Variants in NOTCH1 observed in about 807,000 individuals in gnomAD.
NOTCH1 encodes the protein notch receptor 1, also known as neurogenic locus notch homolog protein 1.
NOTCH1 carries 37 observed loss-of-function variants against 254.8 expected under a neutral mutation model. That is an observed-to-expected ratio of 0.15 (90% CI 0.11 to 0.19). The LOEUF (loss-of-function observed/expected upper bound fraction) is 0.19. Ranked by LOEUF, NOTCH1 falls within the 10% of genes least tolerant of loss-of-function variation. The pLI is 1.00. For missense variants in NOTCH1, 2,972 were observed against 3,708.6 expected (o/e 0.80, Z 5.16); for synonymous variants, 1,731 against 1,618.1 (o/e 1.07, Z -1.68).
In NOTCH1 at chr9:136,504,665, T is replaced by C. The variant is rs2133335591; in HGVS notation, c.5018+8A>G. On this transcript the variant is annotated splice_region_variant and intron_variant, in intron 26 of 33. Transcript: ENST00000651671. ...GGGGATTGACCGTGGGCGCCGGGTCTCACTCACCCGCGGACGTCCATGGGG... is the reference window on the plus strand; with the variant it reads ...GGGGATTGACCGTGGGCGCCGGGTCCCACTCACCCGCGGACGTCCATGGGG... 1 of 1,502,162 alleles carries C rather than the reference T, an allele frequency of 6.7e-7. No homozygotes were observed. The highest frequency in any genetic ancestry group is 8.9e-7 in the Non-Finnish European group (1 of 1,122,526). 93.1% of individuals were successfully genotyped at this position (1,502,162 alleles called of 1,614,324 possible). A position where few individuals can be genotyped will look rare whatever the true frequency, so the allele number is the denominator to read the frequency against.
chr9:136,503,478 A>T, intron 26 of NOTCH1, 148 bp from the exon 27 acceptor site: 1 of 1,157,792 alleles, frequency 8.6e-7, no homozygotes, highest in Non-Finnish European at 1.2e-6. Flanking sequence ...GCCAGGTCTG[A>T]CAGCAGCTAC....
In NOTCH1 at chr9:136,514,720, C is replaced by G. The variant is rs2133361394; in HGVS notation, c.2015-18G>C. 1 of 1,609,920 alleles carries G rather than the reference C, an allele frequency of 6.2e-7. No homozygotes were observed. Among genetic ancestry groups the G allele is most frequent in the Non-Finnish European group, 8.5e-7 (1 of 1,178,754 alleles). ...CATGCTCCCTAAGGGCAGGGCGGGT[C>G]AGACTCCGAGGCCCAGCGCCCAGGG... On this transcript the variant is annotated intron_variant, in intron 12 of 33. Coordinates refer to ENST00000651671, the MANE Select transcript of NOTCH1 (RefSeq NM_017617.5).
rs946638917 is a variant in NOTCH1 at position 136,514,533 on chromosome 9, C to T, written c.2184G>A (p.Gly728=). ...ACCCGTTGAGGCTGTCCCGGCAGGC[C>T]CCGTGGACGCAGGGGTTGCTGTTGC... The part of the protein sequence containing the change: ...NECNSNPCVH[G]ACRDSLNGYK... Residue 728 remains glycine (G), a synonymous_variant, in exon 13 of 34, where the codon GGG becomes GGA. Transcript: ENST00000651671. The T allele has an allele frequency of 1.9e-6, 3 of 1,593,570 alleles. No individual in the cohort carries two copies. The highest frequency in any genetic ancestry group is 2.6e-6 in the Non-Finnish European group (3 of 1,171,314).
At chr9:136,498,684 C>G (rs1842952217) in intron 33 of NOTCH1, among the ~76,000 whole-genome samples, 1 of 152,206 alleles carries the variant, frequency 6.6e-6, no homozygotes, top group Non-Finnish European at 1.5e-5. Flanking sequence ...GACAGCTGGA[C>G]CTGCACTTGG....
At chr9:136,509,701 C>G in intron 18 of NOTCH1, 32 bp downstream of exon 18, 2 of 1,598,952 alleles carry the variant, frequency 1.3e-6, no homozygotes, top group Non-Finnish European at 1.7e-6. Context: ...ACCGCCCGTT[C>G]CCTTCCACGG....
In NOTCH1 at chr9:136,540,572, C is replaced by T. The variant is rs552354182; in HGVS notation, c.140+3452G>A. On this transcript the variant is annotated intron_variant, in intron 2 of 33. Coordinates refer to ENST00000651671, the MANE Select transcript of NOTCH1 (RefSeq NM_017617.5). This position sits in a 1 kb window ranked among gnomAD's most constrained non-coding sequence, Gnocchi z 4.4. ...GCGCTGACCAGGTGCCCTCTCCACA[C>T]GGTTCTCATGCAATCCTCACACACC... 7.2e-5 allele frequency among the ~76,000 whole-genome samples: 11 copies of T among 152,328 alleles called. No individual in the cohort carries two copies. In the South Asian group the frequency reaches 1.7e-3, roughly 23 times the overall value.
rs1446993294 is a variant in NOTCH1, at chr9:136,530,138, CG to C, written c.141-6160del. ...CAGCAGGGGGCGGAGTTGGGTGGGGCGGGGGTCGCGGCCGGCCCGCCACAGC... is the reference window on the plus strand; with the variant it reads ...CAGCAGGGGGCGGAGTTGGGTGGGGCGGGGTCGCGGCCGGCCCGCCACAGC... On this transcript the variant is annotated intron_variant, in intron 2 of 33. Transcript: ENST00000651671. Among the ~76,000 whole-genome samples, 6 of 152,122 alleles carry C rather than the reference CG, an allele frequency of 3.9e-5. No homozygotes were observed. In the East Asian group the frequency reaches 9.7e-4, roughly 25 times the overall value.
At chr9:136,528,566 G>C (rs568878686) in intron 2 of NOTCH1, among the ~76,000 whole-genome samples, 1 of 151,578 alleles carries the variant, frequency 6.6e-6, no homozygotes, top group South Asian at 2.1e-4. Context: ...GGACGGGCAG[G>C]GACAGTGCGG....
chr9:136,516,270 C>G (rs1451900141), intron 9 of NOTCH1, among the ~76,000 whole-genome samples, 176 bp from the exon 10 acceptor site: 31 of 152,230 alleles, frequency 2.0e-4, no homozygotes, highest in Non-Finnish European at 5.9e-5. Flanking sequence ...CGGATCAAAG[C>G]CCCTCCCCCA....
In NOTCH1 at chr9:136,545,622, G is replaced by T; in HGVS notation, c.61+104C>A. On this transcript the variant is annotated intron_variant, in intron 1 of 33. Coordinates refer to ENST00000651671, the MANE Select transcript of NOTCH1 (RefSeq NM_017617.5). This position sits in a 1 kb window ranked among gnomAD's most constrained non-coding sequence, Gnocchi z 6.8. ...CGCCCGCTTTTCCCTCTCCATGCTG[G>T]CCTCCCCGCCGCCCGCTCCCAGCCG... The T allele has an allele frequency of 1.1e-6, 1 of 941,334 alleles. No homozygotes were observed. The highest frequency in any genetic ancestry group is 1.5e-6 in the Non-Finnish European group (1 of 668,018). 58.3% of individuals were successfully genotyped at this position (941,334 alleles called of 1,614,324 possible).
At chr9:136,532,716 A>T (rs1231611504) in intron 2 of NOTCH1, among the ~76,000 whole-genome samples, 1 of 152,242 alleles carries the variant, frequency 6.6e-6, no homozygotes. Flanking sequence ...TCATGGCCCC[A>T]GCCGCTTCCC....
rs1045892978 is a variant in NOTCH1 at position 136,500,570 on chromosome 9, G to A, written c.5916C>T (p.Asp1972=). The change falls in exon 31 of 34, where the codon GAC becomes GAT. Residue 1972 remains aspartate (D), a synonymous_variant. Transcript: ENST00000651671. ...RTPLHAAVSA[D]AQGVFQILIR... ...TGCCTACCTGGAAGACACCTTGTGC[G>A]TCGGCAGACACAGCCGCATGCAGCG... 30 of 1,611,274 alleles carry A rather than the reference G, an allele frequency of 1.9e-5. No individual in the cohort carries two copies. The highest frequency in any genetic ancestry group is 2.2e-5 in the South Asian group (2 of 91,088).
chr9:136,500,151 A>G (rs1472385759), intron 31 of NOTCH1, among the ~76,000 whole-genome samples: 1 of 152,206 alleles, frequency 6.6e-6, no homozygotes, highest in African/African-American at 2.4e-5. Flanking sequence ...GGCAGCCTCT[A>G]AACCCTGCTT....
chr9:136,511,606 G>A (rs889612325), intron 15 of NOTCH1, among the ~76,000 whole-genome samples: 4 of 152,222 alleles, frequency 2.6e-5, no homozygotes, highest in African/African-American at 7.2e-5. Context: ...GGCCTCAGTC[G>A]GGTGGGCTCC....
At chr9:136,507,025 C>A (rs1267665372) in intron 22 of NOTCH1, 52 bp from the exon 23 acceptor site, 4 of 1,581,186 alleles carry the variant, frequency 2.5e-6, no homozygotes, top group African/African-American at 2.7e-5. Flanking sequence ...CCCGGCCCTG[C>A]CGTGCCGCGT....
In NOTCH1 at chr9:136,495,121, G is replaced by A. The variant is rs182946628; in HGVS notation, c.*950C>T. The A allele has an allele frequency of 2.5e-4, 99 of 399,114 alleles. No homozygotes were observed. The highest frequency in any genetic ancestry group is 1.7e-3 in the Admixed American group (39 of 22,742). 24.7% of individuals were successfully genotyped at this position (399,114 alleles called of 1,614,324 possible). On this transcript the variant is annotated 3_prime_UTR_variant, in exon 34 of 34. Transcript: ENST00000651671. ...TCGGAACCTGGGGGACACTGTGCAG[G>A]CTGAGGTGCTGGGGCCGCCACCGGG...
chr9:136,518,392 G>A (rs1843312412), intron 6 of NOTCH1, 100 bp from the exon 7 acceptor site: 2 of 1,480,082 alleles, frequency 1.4e-6, no homozygotes, highest in East Asian at 2.5e-5. Flanking sequence ...AGGAGGAGCT[G>A]CCCGCCGTGA....
rs766358616 is a variant in NOTCH1 at position 136,502,473 on chromosome 9, G to A, written c.5183C>T (p.Pro1728Leu). The A allele has an allele frequency of 6.4e-5, 100 of 1,574,556 alleles. 2 individuals are homozygous for A. The South Asian group carries it at 9.5e-4, about 15-fold the overall frequency. Residue 1728 changes from proline to leucine, a missense_variant, in exon 28 of 34, where the codon CCG becomes CTG. Pro to Leu is a moderately conservative substitution (Grantham distance 98). Transcript: ENST00000651671. ...IEAVQSETVE[P>L]PPPAQLHFMY... ...GAAGTGCAGCTGCGCCGGCGGGGGC[G>A]GCTCCACGGTCTCACCTGCGGGCAC...
At position 136,522,873 on chromosome 9, in the gene NOTCH1, G is replaced by T; in HGVS notation, c.719C>A (p.Thr240Asn). 1 of 1,516,578 alleles carries T rather than the reference G, an allele frequency of 6.6e-7. No individual in the cohort carries two copies. The highest frequency in any genetic ancestry group is 8.8e-7 in the Non-Finnish European group (1 of 1,131,386). The allele number at this position is 1,516,578 out of a possible 1,614,324, so 93.9% of individuals were successfully genotyped here. Residue 240 changes from threonine (T) to asparagine (N), a missense_variant, in exon 4 of 34, where the codon ACC (threonine) becomes AAC (asparagine). Thr to Asn is a moderately conservative substitution (Grantham distance 65). This residue lies in a region of NOTCH1 where 374 missense variants were observed against 496.3 expected (regional missense o/e 0.75). Transcript: ENST00000651671. The stretch of plus-strand genomic sequence containing the variant: ...ACCTGGCAGGCAGGCACACTCGTGG[G>T]TGACGTCGCCCGTGGGGCGGCAGGT... ...GGTCRPTGDV[T>N]HECACLPGFT...
Sources: gnomAD v4.1 joint callset for allele counts (sites outside exome capture counted in the v4.1 genomes callset) on GRCh38, gnomAD v4.1.1 for gene constraint, gnomAD v4.1.1 regional missense constraint, Gnocchi (gnomAD v3.1) non-coding constraint, MANE v1.5 for transcripts, NCBI Gene and HGNC (gene_info 2026-07-23, HGNC 2026-07-21) for gene names.